DENND2B: variants seen among roughly 807,000 people sequenced by gnomAD.
DENND2B encodes the protein DENN domain containing 2B, also known as DENN domain-containing protein 2B.
Under a neutral mutation model 116.0 loss-of-function variants are expected in DENND2B, and 32 were observed. The observed-to-expected ratio is 0.28, with a 90% CI of 0.21 to 0.37. The LOEUF is 0.37. DENND2B is among the 10% of genes least tolerant of loss of function. DENND2B has a pLI of 1.00. For synonymous variants in DENND2B, 588 were observed against 583.9 expected, an observed-to-expected ratio of 1.01 and a Z score of -0.10; for missense variants, 1,276 against 1,477.7, an observed-to-expected ratio of 0.86 and a Z score of 2.24.
intron 1 of DENND2B, among the ~76,000 whole-genome samples, chr11:8,897,431 C>T (rs760100693): frequency 6.6e-6 from 1 of 152,152 alleles, no homozygotes; most frequent in Non-Finnish European, 1.5e-5. Flanking sequence ...TCTATCAGGA[C>T]AGTAAAATCC....
intron 4 of DENND2B, among the ~76,000 whole-genome samples, chr11:8,817,267 T>C (rs2061600782): frequency 1.3e-5 from 2 of 152,166 alleles, no homozygotes; most frequent in African/African-American, 4.8e-5. Flanking sequence ...AAGCATTCTC[T>C]ACCTGGGTGC....
intron 2 of DENND2B, among the ~76,000 whole-genome samples, chr11:8,742,051 G>C (rs1189888607): frequency 1.3e-5 from 2 of 152,136 alleles, no homozygotes; most frequent in Non-Finnish European, 2.9e-5. Context: ...CCAGCACACT[G>C]GGCTAATTTT....
chr11:8,854,499 G>A (rs1233909562), intron 3 of DENND2B, among the ~76,000 whole-genome samples: 2 of 152,154 alleles, frequency 1.3e-5, no homozygotes, highest in African/African-American at 4.8e-5. Flanking sequence ...ACAGTGCCTG[G>A]CCTAAAAGAA....
At chr11:8,741,390 C>A (rs2050182211) in intron 2 of DENND2B, among the ~76,000 whole-genome samples, 1 of 152,178 alleles carries the variant, frequency 6.6e-6, no homozygotes, top group Non-Finnish European at 1.5e-5. Flanking sequence ...AATACTGACA[C>A]TGCAGAAGCC....
intron 2 of DENND2B, among the ~76,000 whole-genome samples, chr11:8,859,937 C>T (rs2063337830): frequency 6.6e-6 from 1 of 152,154 alleles, no homozygotes; most frequent in East Asian, 1.9e-4. Flanking sequence ...TACCTAGCAA[C>T]ATGTCACACC....
intron 1 of DENND2B, chr11:8,776,341 A>G: frequency 2.4e-6 from 1 of 420,494 alleles, no homozygotes; most frequent in Non-Finnish European, 4.8e-6. Flanking sequence ...GGCCCAGGCC[A>G]AGGTCCCCTG....
intron 4 of DENND2B, among the ~76,000 whole-genome samples, chr11:8,818,976 A>T (rs1285329485): frequency 6.6e-6 from 1 of 152,222 alleles, no homozygotes; most frequent in African/African-American, 2.4e-5. Flanking sequence ...ATACTTTTAT[A>T]TTACTTAATG....
chr11:8,694,329 T>C (rs1390661927), intron 19 of DENND2B, among the ~76,000 whole-genome samples, 199 bp from the exon 20 acceptor site: 1 of 152,204 alleles, frequency 6.6e-6, no homozygotes, highest in Non-Finnish European at 1.5e-5. Flanking sequence ...TGTGTGGTTT[T>C]ACGCAAGCCA....
upstream of DENND2B, among the ~76,000 whole-genome samples, chr11:8,872,569 A>C (rs904952135): frequency 6.6e-6 from 1 of 152,182 alleles, no homozygotes; most frequent in African/African-American, 2.4e-5. Context: ...AATGGCAAGA[A>C]CCAAACTGAT....
In DENND2B at chr11:8,732,360, A is replaced by T. The variant is rs191953290; in HGVS notation, c.81-1151T>A. ...ACACTAAGGCACAGAAAGGTTTAAT[A>T]TCTCATCCGAGGTCACTCAGCTGGT... On this transcript the variant is annotated intron_variant, in intron 2 of 19. Transcript: ENST00000313726. 2.1e-3 allele frequency among the ~76,000 whole-genome samples: 314 copies of T among 152,378 alleles called. 3 individuals carry two copies. The highest frequency in any genetic ancestry group is 7.3e-3 in the African/African-American group (304 of 41,592).
At chr11:8,778,558 C>G (rs998691916) in intron 1 of DENND2B, among the ~76,000 whole-genome samples, 36 of 152,234 alleles carry the variant, frequency 2.4e-4, no homozygotes, top group African/African-American at 8.4e-4. Context: ...AAAGGCAAGT[C>G]TGCCAATTGG....
At chr11:8,829,948 T>C (rs1375163671) in intron 4 of DENND2B, among the ~76,000 whole-genome samples, 1 of 152,146 alleles carries the variant, frequency 6.6e-6, no homozygotes, top group South Asian at 2.1e-4. Context: ...GAAACGTTGG[T>C]GTCTTCCGTC....
intron 1 of DENND2B, among the ~76,000 whole-genome samples, chr11:8,905,590 T>C (rs557768078): frequency 6.6e-6 from 1 of 152,054 alleles, no homozygotes; most frequent in Non-Finnish European, 1.5e-5. Flanking sequence ...GTACTTCAAA[T>C]TACACCACTA....
chr11:8,878,279 A>T (rs2063865629), intron 2 of DENND2B, among the ~76,000 whole-genome samples: 1 of 152,212 alleles, frequency 6.6e-6, no homozygotes, highest in African/African-American at 2.4e-5. Context: ...CTGGGTATAT[A>T]CCCAAAAGAA....
chr11:8,694,944 C>T (rs899685822), intron 19 of DENND2B, among the ~76,000 whole-genome samples: 18 of 152,196 alleles, frequency 1.2e-4, no homozygotes, highest in African/African-American at 4.8e-5. Flanking sequence ...TGCCTGTAGT[C>T]CCAGCTACTC....
chr11:8,802,289 ACT>A (rs1565981699), intron 1 of DENND2B, among the ~76,000 whole-genome samples: 1 of 126,416 alleles, frequency 7.9e-6, no homozygotes, highest in African/African-American at 3.1e-5. Flanking sequence ...CGACAGTGAG[ACT>A]CTGTCTGGAA....
At chr11:8,797,470 T>C (rs1325056528) in intron 1 of DENND2B, among the ~76,000 whole-genome samples, 2 of 124,276 alleles carry the variant, frequency 1.6e-5, no homozygotes, top group African/African-American at 5.6e-5. Flanking sequence ...TCTTCCCCTT[T>C]CTTCCCCTTC....
intron 4 of DENND2B, among the ~76,000 whole-genome samples, chr11:8,829,413 A>G (rs552060290): frequency 6.6e-6 from 1 of 152,170 alleles, no homozygotes; most frequent in South Asian, 2.1e-4. Context: ...TCCCTTAGAA[A>G]GGCACCACAC....
chr11:8,773,759 A>AC (rs2057263382), intron 1 of DENND2B, among the ~76,000 whole-genome samples: 3 of 151,772 alleles, frequency 2.0e-5, no homozygotes. Flanking sequence ...TCTGTTCCCC[A>AC]CCCCCAATGA....
Sources: allele counts gnomAD v4.1 joint callset (sites outside exome capture counted in the v4.1 genomes callset), GRCh38; gene constraint gnomAD v4.1.1; transcripts MANE v1.5; gene names NCBI Gene and HGNC (gene_info 2026-07-23, HGNC 2026-07-21).